Variants in NR4A1 observed in about 807,000 individuals in gnomAD.
The protein encoded by NR4A1 is nuclear receptor subfamily 4 group A member 1.
A neutral mutation model predicts 47.5 loss-of-function variants in NR4A1; 24 were observed. That is an observed-to-expected ratio of 0.50 (90% CI 0.37 to 0.71). The LOEUF (loss-of-function observed/expected upper bound fraction) is 0.71, where lower values mean the gene tolerates loss of function less well. Ranked by LOEUF, NR4A1 falls within the 30% of genes least tolerant of loss-of-function variation. NR4A1 has a pLI of 0.00. For missense variants in NR4A1, 669 were observed against 788.6 expected (o/e 0.85, Z 1.82); for synonymous variants, 353 against 345.7 (o/e 1.02, Z -0.24).
chr12:52,027,136 C>G (rs897829941), intron 1 of NR4A1, among the ~76,000 whole-genome samples: 2 of 152,228 alleles, frequency 1.3e-5, no homozygotes, highest in African/African-American at 4.8e-5. Flanking sequence ...GAGGTGGGAG[C>G]AGCCCCATCC....
chr12:52,051,675 T>C (rs772017302), intron 1 of NR4A1, 107 bp downstream of exon 1: 13 of 741,768 alleles, frequency 1.8e-5, no homozygotes, highest in Non-Finnish European at 2.0e-5. Flanking sequence ...TGCAAGAGGG[T>C]AGGTGTAGTG....
Position 52,054,716 on chromosome 12 carries a change from GACT to G in NR4A1, c.393_395del (p.Tyr132del). ...TGAGGCCCTGTCCTCCAGTGGCTCTGACTACTATGGCAGCCCCTGCTCGGCCCC... is the reference window on the plus strand; with the variant it reads ...TGAGGCCCTGTCCTCCAGTGGCTCTGACTATGGCAGCCCCTGCTCGGCCCC... On this transcript the variant is annotated inframe_deletion, in exon 2 of 7. Transcript: ENST00000394825. 6.2e-7 allele frequency: 1 copy of G among 1,613,520 alleles called. No individual in the cohort carries two copies.
chr12:52,048,444 A>C (rs1320714887), upstream of NR4A1, among the ~76,000 whole-genome samples: 1 of 151,702 alleles, frequency 6.6e-6, no homozygotes, highest in Non-Finnish European at 1.5e-5. Flanking sequence ...AATACAAAAA[A>C]ATTAGCTGGC....
At chr12:52,027,432 G>A (rs1375591373) in intron 1 of NR4A1, among the ~76,000 whole-genome samples, 1 of 152,224 alleles carries the variant, frequency 6.6e-6, no homozygotes, top group African/African-American at 2.4e-5. Flanking sequence ...CCCGCAGGAT[G>A]GTCCCTCTCC....
chr12:52,038,838 C>A, intron 1 of NR4A1: 1 of 718,704 alleles, frequency 1.4e-6, no homozygotes, highest in South Asian at 1.5e-5. Flanking sequence ...TTAAGAAAGT[C>A]AGCTGAGGAG....
At chr12:52,054,200 C>T in intron 1 of NR4A1, 127 bp from the exon 2 acceptor site, 1 of 785,566 alleles carries the variant, frequency 1.3e-6, no homozygotes, top group East Asian at 2.7e-5. Context: ...GTCCCGGTGC[C>T]TCTGTCTCAT....
chr12:52,055,347 C>T (rs759795168), intron 2 of NR4A1, 143 bp downstream of exon 2: 43 of 1,105,350 alleles, frequency 3.9e-5, no homozygotes, highest in East Asian at 1.8e-4. Flanking sequence ...CCAGGTGGGC[C>T]GCCTTCCTGG....
chr12:52,028,962 T>A (rs1592280127), intron 1 of NR4A1, among the ~76,000 whole-genome samples: 1 of 152,116 alleles, frequency 6.6e-6, no homozygotes, highest in Non-Finnish European at 1.5e-5. Context: ...CCTAAAAATA[T>A]TAATGCTTTA....
chr12:52,040,967 C>T (rs1039807439), intron 1 of NR4A1, among the ~76,000 whole-genome samples: 2 of 151,934 alleles, frequency 1.3e-5, no homozygotes, highest in African/African-American at 2.4e-5. Context: ...GGTGCCGTGG[C>T]TGAATGGGGT....
intron 1 of NR4A1, chr12:52,037,564 G>T: frequency 1.0e-6 from 1 of 976,612 alleles, no homozygotes; most frequent in Non-Finnish European, 1.2e-6. Flanking sequence ...AAACTGGGGA[G>T]TCGGGGGGGG....
chr12:52,046,732 C>T (rs1466183151), upstream of NR4A1, among the ~76,000 whole-genome samples: 3 of 152,146 alleles, frequency 2.0e-5, no homozygotes, highest in African/African-American at 4.8e-5. Flanking sequence ...GCCTGTAATC[C>T]CAGCACTTTG....
At chr12:52,024,963 C>T (rs1937973116) in intron 1 of NR4A1, among the ~76,000 whole-genome samples, 1 of 152,202 alleles carries the variant, frequency 6.6e-6, no homozygotes, top group Non-Finnish European at 1.5e-5. Context: ...TTAGGGCTCT[C>T]CTTTTGCTTC....
intron 1 of NR4A1, among the ~76,000 whole-genome samples, chr12:52,032,871 C>T (rs1166215429): frequency 1.3e-5 from 2 of 152,172 alleles, no homozygotes; most frequent in African/African-American, 4.8e-5. Context: ...CAGGCTGGAA[C>T]AGATTTGGGA....
At chr12:52,038,773 G>A (rs369720987) in intron 1 of NR4A1, 102 of 763,546 alleles carry the variant, frequency 1.3e-4, no homozygotes, top group South Asian at 5.0e-4. Context: ...AGGATGGGCC[G>A]AGATTAACGG....
intron 1 of NR4A1, among the ~76,000 whole-genome samples, chr12:52,028,625 G>A (rs1938051861): frequency 5.3e-5 from 8 of 151,818 alleles, no homozygotes; most frequent in Admixed American, 5.3e-4. Flanking sequence ...AAAAGACCAG[G>A]CCAGGCGCGG....
chr12:52,051,154 C>T (rs1372020791), upstream of NR4A1, among the ~76,000 whole-genome samples: 2 of 152,228 alleles, frequency 1.3e-5, no homozygotes, highest in South Asian at 2.1e-4. Flanking sequence ...CTATTTTTAG[C>T]GGGCGCGGCG....
At chr12:52,031,487 A>C (rs1462072144) in intron 1 of NR4A1, among the ~76,000 whole-genome samples, 1 of 151,654 alleles carries the variant, frequency 6.6e-6, no homozygotes, top group African/African-American at 2.4e-5. Context: ...AAATACAAAA[A>C]TTAGCCAGGT....
intron 1 of NR4A1, among the ~76,000 whole-genome samples, chr12:52,024,281 A>C (rs1937957301): frequency 6.6e-6 from 1 of 152,232 alleles, no homozygotes; most frequent in Admixed American, 6.5e-5. Context: ...TATCACATGC[A>C]GTGGATTGCT....
chr12:52,039,723 G>A (rs1938368331), intron 1 of NR4A1, among the ~76,000 whole-genome samples: 1 of 152,228 alleles, frequency 6.6e-6, no homozygotes, highest in African/African-American at 2.4e-5. Context: ...TTAGATTCTG[G>A]TTGGGTAGAC....
Sources: allele counts gnomAD v4.1 joint callset (sites outside exome capture counted in the v4.1 genomes callset), GRCh38; gene constraint gnomAD v4.1.1; transcripts MANE v1.5; gene names NCBI Gene and HGNC (gene_info 2026-07-23, HGNC 2026-07-21).